ADGRG7: variants seen among roughly 807,000 people sequenced by gnomAD.
ADGRG7 encodes G-protein coupled receptor 128.
Under a neutral mutation model 88.6 loss-of-function variants are expected in ADGRG7, and 82 were observed. The observed-to-expected ratio is 0.93, with a 90% CI of 0.77 to 1.11. ADGRG7 has a LOEUF of 1.11. ADGRG7 is among the 50% of genes most tolerant of loss of function. ADGRG7 has a pLI of 0.00. For missense variants in ADGRG7, 945 were observed against 953.4 expected (o/e 0.99, Z 0.12); for synonymous variants, 381 against 345.2 (o/e 1.10, Z -1.15).
chr3:100,646,643 A>C lies in ADGRG7; in HGVS notation c.1185A>C (p.Thr395=), dbSNP rs1707753318. 2.5e-6 allele frequency: 4 copies of C among 1,614,160 alleles called. No homozygotes were observed. In the Admixed American group the frequency reaches 6.7e-5, roughly 27 times the overall value. ...ATTTGTCAGCGAAGGACTGGGACAC[A>C]TATGGCTGTCAAAAAGACAAGGGCA... ...YWNLSAKDWD[T]YGCQKDKGTD... is the part of the protein sequence containing the mutation. Residue 395 remains threonine (T), a synonymous_variant, in exon 10 of 16, where the codon ACA becomes ACC. Coordinates refer to ENST00000273352, the MANE Select transcript of ADGRG7 (RefSeq NM_032787.3).
intron 15 of ADGRG7, among the ~76,000 whole-genome samples, chr3:100,690,016 C>T (rs1044556810): frequency 2.0e-5 from 3 of 152,214 alleles, no homozygotes; most frequent in African/African-American, 7.2e-5. Flanking sequence ...GTACACCAAT[C>T]AGACATAGAT....
At chr3:100,647,237 G>C (rs1314672491) in intron 10 of ADGRG7, among the ~76,000 whole-genome samples, 1 of 152,176 alleles carries the variant, frequency 6.6e-6, no homozygotes, top group Admixed American at 6.5e-5. Flanking sequence ...TGTGGTCTTA[G>C]GATAGAGAGG....
At chr3:100,693,545 G>T (rs544403201) in intron 15 of ADGRG7, among the ~76,000 whole-genome samples, 2 of 152,142 alleles carry the variant, frequency 1.3e-5, no homozygotes, top group South Asian at 4.1e-4. Context: ...TCTTTCCAGA[G>T]TACCAGAAGT....
intron 15 of ADGRG7, among the ~76,000 whole-genome samples, chr3:100,672,695 G>A (rs1343691380): frequency 6.6e-6 from 1 of 152,150 alleles, no homozygotes; most frequent in African/African-American, 2.4e-5. Flanking sequence ...CTGTGGGTTT[G>A]TCATAAATAG....
rs1251028945 is a variant in ADGRG7, at chr3:100,677,810, G to T, written c.2136+8705G>T. ...CTGCCAGACAAATTGAAGCTCTGTTGTATATTATTTGTTTATTTTCTCTTG... is the reference window on the plus strand; with the variant it reads ...CTGCCAGACAAATTGAAGCTCTGTTTTATATTATTTGTTTATTTTCTCTTG... On this transcript the variant is annotated intron_variant, in intron 15 of 15. Coordinates refer to ENST00000273352, the MANE Select transcript of ADGRG7 (RefSeq NM_032787.3). 3.9e-5 allele frequency among the ~76,000 whole-genome samples: 6 copies of T among 152,068 alleles called. No individual in the cohort carries two copies. The East Asian group carries it at 1.2e-3, about 29-fold the overall frequency.
chr3:100,626,731 G>A (rs562774521), intron 1 of ADGRG7, among the ~76,000 whole-genome samples: 1 of 152,274 alleles, frequency 6.6e-6, no homozygotes, highest in African/African-American at 2.4e-5. Context: ...GTTGCAGTGA[G>A]CCGAGATTGT....
chr3:100,621,199 ATT>A (rs1707307144), intron 1 of ADGRG7, among the ~76,000 whole-genome samples: 1 of 152,262 alleles, frequency 6.6e-6, no homozygotes, highest in East Asian at 1.9e-4. Flanking sequence ...AATTAGGCCA[ATT>A]AATAATCCTA....
chr3:100,671,014 A>G (rs878971442), intron 15 of ADGRG7, among the ~76,000 whole-genome samples: 14 of 152,170 alleles, frequency 9.2e-5, no homozygotes, highest in Admixed American at 2.0e-4. Context: ...ATAAACATAC[A>G]TGTGCATGTG....
rs569464841 is a variant in ADGRG7 at position 100,636,674 on chromosome 3, T to C, written c.598-628T>C. Among the ~76,000 whole-genome samples, 8 of 152,204 alleles carry C rather than the reference T, an allele frequency of 5.3e-5. No homozygotes were observed. In the East Asian group the frequency reaches 7.7e-4, roughly 15 times the overall value. On this transcript the variant is annotated intron_variant, in intron 5 of 15. Transcript: ENST00000273352. ...AAAAAAATTGAAATATTTTTCCTGC[T>C]AAAAAGTAAGTGGGATTCAAGTTAA...
At chr3:100,682,745 G>T (rs923260055) in intron 15 of ADGRG7, among the ~76,000 whole-genome samples, 2 of 152,188 alleles carry the variant, frequency 1.3e-5, no homozygotes, top group Non-Finnish European at 2.9e-5. Flanking sequence ...CTGTGAGGAG[G>T]CACGGCCAGG....
intron 15 of ADGRG7, among the ~76,000 whole-genome samples, chr3:100,688,267 T>G (rs185576961): frequency 6.6e-6 from 1 of 152,322 alleles, no homozygotes; most frequent in East Asian, 1.9e-4. Context: ...TCTTCTCTCT[T>G]TTCTTCTTTA....
chr3:100,680,394 C>CAT (rs2094971414), intron 15 of ADGRG7, among the ~76,000 whole-genome samples: 2 of 152,064 alleles, frequency 1.3e-5, no homozygotes, highest in South Asian at 4.1e-4. Context: ...ACAAGTCTTA[C>CAT]GTTTTTATCC....
At chr3:100,678,240 T>C (rs1302000740) in intron 15 of ADGRG7, among the ~76,000 whole-genome samples, 1 of 152,126 alleles carries the variant, frequency 6.6e-6, no homozygotes, top group Non-Finnish European at 1.5e-5. Flanking sequence ...ATATGTCAGT[T>C]GCATTTTTCA....
chr3:100,629,525 A>T, intron 1 of ADGRG7, 73 bp from the exon 2 acceptor site: 1 of 925,214 alleles, frequency 1.1e-6, no homozygotes, highest in Non-Finnish European at 1.7e-6. Flanking sequence ...TGTAGAAATT[A>T]AGTGGCCACA....
intron 1 of ADGRG7, among the ~76,000 whole-genome samples, chr3:100,617,858 A>G (rs1707247448): frequency 6.6e-6 from 1 of 152,158 alleles, no homozygotes; most frequent in African/African-American, 2.4e-5. Context: ...CTATTTCTCC[A>G]CATCCTCTCC....
At position 100,669,067 on chromosome 3, in the gene ADGRG7, G is replaced by T. The variant is rs116022671; in HGVS notation, c.2098G>T (p.Val700Phe). The T allele has an allele frequency of 2.6e-5, 41 of 1,597,228 alleles. No individual in the cohort carries two copies. The East Asian group carries it at 9.3e-4, about 36-fold the overall frequency. Residue 700 changes from valine (V) to phenylalanine (F), a missense_variant, in exon 15 of 16, where the codon GTC becomes TTC. Physicochemically the swap from Val to Phe is conservative, Grantham distance 50. Transcript: ENST00000273352. Reference sequence around the variant, plus strand: ...AGTTAATGATGATAGCATCAGGATCGTCTTCAGCTACATATTCTGCCTTTT... The same window carrying T: ...AGTTAATGATGATAGCATCAGGATCTTCTTCAGCTACATATTCTGCCTTTT... ...MLVNDDSIRI[V>F]FSYIFCLFNT...
intron 6 of ADGRG7, 35 bp downstream of exon 6, chr3:100,637,437 C>G (rs576900437): frequency 7.0e-7 from 1 of 1,433,552 alleles, no homozygotes; most frequent in South Asian, 1.1e-5. Context: ...GAAAACTTGA[C>G]TAAGGGCTGT....
intron 15 of ADGRG7, among the ~76,000 whole-genome samples, chr3:100,677,464 G>A (rs1340354200): frequency 6.6e-6 from 1 of 152,064 alleles, no homozygotes; most frequent in Non-Finnish European, 1.5e-5. Flanking sequence ...TGCTCAAGAT[G>A]TAAGTAGTTT....
At chr3:100,615,543 A>T (rs932959018) in intron 1 of ADGRG7, among the ~76,000 whole-genome samples, 1 of 152,178 alleles carries the variant, frequency 6.6e-6, no homozygotes, top group African/African-American at 2.4e-5. Flanking sequence ...ATTCAATGGC[A>T]TTGTGCTAGG....
Sources: gnomAD v4.1 joint callset for allele counts (sites outside exome capture counted in the v4.1 genomes callset) on GRCh38, gnomAD v4.1.1 for gene constraint, MANE v1.5 for transcripts, NCBI Gene and HGNC (gene_info 2026-07-23, HGNC 2026-07-21) for gene names.